NCOR1: variants seen among roughly 807,000 people sequenced by gnomAD.
NCOR1 encodes nuclear receptor corepressor 1.
NCOR1 carries 63 observed loss-of-function variants against 288.1 expected under a neutral mutation model. The observed-to-expected ratio is 0.22, with a 90% CI of 0.18 to 0.27. The LOEUF (loss-of-function observed/expected upper bound fraction) is 0.27. Ranked by LOEUF, NCOR1 falls within the 10% of genes least tolerant of loss-of-function variation. The pLI is 1.00. For synonymous variants in NCOR1, 1,007 were observed against 1,065.9 expected, an observed-to-expected ratio of 0.94 and a Z score of 1.08; for missense variants, 2,397 against 3,019.2, an observed-to-expected ratio of 0.79 and a Z score of 4.83.
At chr17:16,151,197 A>G (rs954097835) in intron 8 of NCOR1, among the ~76,000 whole-genome samples, 1 of 126,962 alleles carries the variant, frequency 7.9e-6, no homozygotes, top group South Asian at 2.3e-4. Flanking sequence ...CTCTTAAAGT[A>G]TAATTTTTTT....
intron 21 of NCOR1, among the ~76,000 whole-genome samples, chr17:16,096,509 C>G (rs1210348718): frequency 6.6e-6 from 1 of 152,110 alleles, no homozygotes; most frequent in African/African-American, 2.4e-5. Context: ...TCTAACTATT[C>G]AAAACCTAAT....
chr17:16,169,710 C>T (rs1476998587), intron 4 of NCOR1, among the ~76,000 whole-genome samples: 1 of 152,204 alleles, frequency 6.6e-6, no homozygotes, highest in Admixed American at 6.5e-5. Context: ...CACACTACAA[C>T]ACAACACGTC....
intron 6 of NCOR1, among the ~76,000 whole-genome samples, chr17:16,155,370 TAC>T (rs1310916507): frequency 2.7e-4 from 30 of 113,080 alleles, no homozygotes; most frequent in East Asian, 7.7e-4. Flanking sequence ...AAAAAAAAAA[TAC>T]ACACACACAC....
intron 1 of NCOR1, among the ~76,000 whole-genome samples, chr17:16,212,377 G>C (rs904275416): frequency 6.6e-6 from 1 of 152,122 alleles, no homozygotes; most frequent in Non-Finnish European, 1.5e-5. Context: ...TAGTGTGCCA[G>C]AACATAAAAA....
intron 1 of NCOR1, among the ~76,000 whole-genome samples, chr17:16,194,906 T>C (rs2089425636): frequency 6.6e-6 from 1 of 152,198 alleles, no homozygotes; most frequent in African/African-American, 2.4e-5. Context: ...ATCTGGCACA[T>C]AATAACTGCT....
At chr17:16,172,425 T>C (rs1408706453) in intron 3 of NCOR1, among the ~76,000 whole-genome samples, 1 of 152,152 alleles carries the variant, frequency 6.6e-6, no homozygotes, top group Non-Finnish European at 1.5e-5. Flanking sequence ...AACAGAACAT[T>C]TGCAGAAAGT....
chr17:16,097,796 C>CAGA (rs1345033718), intron 21 of NCOR1, among the ~76,000 whole-genome samples: 1 of 152,198 alleles, frequency 6.6e-6, no homozygotes, highest in Admixed American at 6.5e-5. Context: ...GCAGCCTAGT[C>CAGA]AGAAGCGTGA....
At chr17:16,123,620 C>T (rs968985935) in intron 15 of NCOR1, among the ~76,000 whole-genome samples, 3 of 152,196 alleles carry the variant, frequency 2.0e-5, no homozygotes, top group African/African-American at 7.2e-5. Flanking sequence ...CCACCTTCCA[C>T]TTCTCTTCTT....
At chr17:16,045,297 C>G (rs147649029) in intron 42 of NCOR1, among the ~76,000 whole-genome samples, 280 of 152,244 alleles carry the variant, frequency 1.8e-3, no homozygotes, top group African/African-American at 6.5e-3. Context: ...TGGGTTTGAA[C>G]TGCAGCCTCA....
chr17:16,089,118 G>C (rs553018166), intron 22 of NCOR1, among the ~76,000 whole-genome samples: 4 of 149,476 alleles, frequency 2.7e-5, no homozygotes, highest in South Asian at 4.2e-4. Flanking sequence ...ACTGGTCATA[G>C]TAGTGGTTTT....
chr17:16,201,021 C>G (rs556592549), intron 1 of NCOR1, among the ~76,000 whole-genome samples: 1 of 152,288 alleles, frequency 6.6e-6, no homozygotes, highest in South Asian at 2.1e-4. Flanking sequence ...AATAAATTTT[C>G]TCTTGTAAAA....
At position 16,146,391 on chromosome 17, in the gene NCOR1, T is replaced by A; in HGVS notation, c.1067A>T (p.Gln356Leu). Residue 356 changes from glutamine (Q) to leucine (L), a missense_variant, in exon 10 of 46, where the codon CAA becomes CTA. This residue lies in a region of NCOR1 where 51 missense variants were observed against 127.6 expected (regional missense o/e 0.40). Coordinates refer to ENST00000268712, the MANE Select transcript of NCOR1 (RefSeq NM_006311.4). ...AACTACTCACCGCTGAAATCTTTCT[T>A]GCTGTTCTCTTTGTTTTCGAATTTC... is the stretch of plus-strand genomic sequence containing the variant. ...FPEIRKQREQQERFQRVGQRG... is the reference protein window; with the variant it reads ...FPEIRKQREQLERFQRVGQRG... The A allele has an allele frequency of 6.2e-7, 1 of 1,607,086 alleles. No individual in the cohort carries two copies. Among genetic ancestry groups the A allele is most frequent in the Non-Finnish European group, 8.5e-7 (1 of 1,178,090 alleles).
intron 1 of NCOR1, among the ~76,000 whole-genome samples, chr17:16,204,100 A>C (rs2091204155): frequency 6.6e-6 from 1 of 152,188 alleles, no homozygotes; most frequent in Non-Finnish European, 1.5e-5. Context: ...AATCAAAGAG[A>C]TCAAAATAAA....
intron 2 of NCOR1, chr17:16,191,943 G>A (rs1384329365): frequency 6.6e-6 from 1 of 151,622 alleles, no homozygotes; most frequent in Non-Finnish European, 1.5e-5. Flanking sequence ...CCAATCAGAT[G>A]TCTACACTAA....
chr17:16,118,068 C>A (rs1268207172), intron 17 of NCOR1, 41 bp from the exon 18 acceptor site: 4 of 1,578,130 alleles, frequency 2.5e-6, no homozygotes, highest in Non-Finnish European at 3.5e-6. Flanking sequence ...TGAACAGTCA[C>A]CTGATCAAGC....
chr17:16,151,134 A>G (rs1299977376), intron 8 of NCOR1, among the ~76,000 whole-genome samples: 2 of 151,914 alleles, frequency 1.3e-5, no homozygotes, highest in South Asian at 2.1e-4. Context: ...TAAAACATAT[A>G]AAGTAGAAAT....
Position 16,029,358 on chromosome 17 carries a change from CAA to C in NCOR1, c.*2936_*2937del. The C allele has an allele frequency of 7.9e-6, 3 of 381,936 alleles. No individual in the cohort carries two copies. Among genetic ancestry groups the C allele is most frequent in the South Asian group, 6.0e-5 (3 of 50,304 alleles). 23.7% of individuals were successfully genotyped at this position (381,936 alleles called of 1,614,324 possible). The stretch of plus-strand genomic sequence containing the variant: ...TCTCCTTTACTGATTGGTCTAAATT[CAA>C]AAGTGAATTGGTTAAAATCGTGTCA... On this transcript the variant is annotated 3_prime_UTR_variant, in exon 46 of 46. Transcript: ENST00000268712.
intron 14 of NCOR1, 118 bp from the exon 15 acceptor site, chr17:16,126,324 A>G: frequency 3.8e-6 from 4 of 1,042,488 alleles, no homozygotes; most frequent in Non-Finnish European, 4.0e-6. Context: ...TTTACAATGT[A>G]ACTGGTGATC....
chr17:16,170,124 T>A (rs1256416650), intron 4 of NCOR1, among the ~76,000 whole-genome samples: 1 of 152,044 alleles, frequency 6.6e-6, no homozygotes, highest in East Asian at 1.9e-4. Flanking sequence ...TGTGTGTGTG[T>A]GTGTGTGTGT....
Sources: gnomAD v4.1 joint callset for allele counts (sites outside exome capture counted in the v4.1 genomes callset) on GRCh38, gnomAD v4.1.1 for gene constraint, gnomAD v4.1.1 regional missense constraint, MANE v1.5 for transcripts, NCBI Gene and HGNC (gene_info 2026-07-23, HGNC 2026-07-21) for gene names.